Variants in NELL1 observed in about 807,000 individuals in gnomAD.
NELL1 encodes the protein neural EGFL like 1.
In NELL1, 76 loss-of-function variants were observed where a neutral mutation model predicts 107.4. The observed-to-expected ratio is 0.71, with a 90% CI of 0.59 to 0.86. The LOEUF (loss-of-function observed/expected upper bound fraction) is 0.86. NELL1 is among the 40% of genes least tolerant of loss of function. The probability of loss-of-function intolerance (pLI) is 0.00; values close to 1 mark genes in which losing one functional copy is unlikely to be tolerated. For missense variants in NELL1, 1,024 were observed against 1,005.5 expected, an observed-to-expected ratio of 1.02 and a Z score of -0.25; for synonymous variants, 353 against 341.2, an observed-to-expected ratio of 1.03 and a Z score of -0.38.
rs544284120 is a variant in NELL1, at chr11:21,033,591, G to T, written c.1300+73031G>T. The stretch of plus-strand genomic sequence containing the variant: ...ATCATTCTTTTTTTATGGCTGCATA[G>T]TATTCCATAGTGTATATGTACCATA... On this transcript the variant is annotated intron_variant, in intron 12 of 19. Transcript: ENST00000357134. Among the ~76,000 whole-genome samples, 20 of 152,232 alleles carry T rather than the reference G, an allele frequency of 1.3e-4. No individual in the cohort carries two copies. In the South Asian group the frequency reaches 4.1e-3, roughly 32 times the overall value.
chr11:20,971,697 C>A (rs1207121212), intron 12 of NELL1, among the ~76,000 whole-genome samples: 1 of 152,110 alleles, frequency 6.6e-6, no homozygotes, highest in Non-Finnish European at 1.5e-5. Flanking sequence ...CTGGCTTTAT[C>A]ATTGTTTTGT....
chr11:20,768,798 C>A (rs1032792531), intron 2 of NELL1, among the ~76,000 whole-genome samples: 2 of 152,176 alleles, frequency 1.3e-5, no homozygotes, highest in South Asian at 2.1e-4. Flanking sequence ...ACAGTCTCCC[C>A]TAGAGCTTCC....
chr11:21,546,653 A>G (rs7930966), intron 16 of NELL1, among the ~76,000 whole-genome samples: 84,855 of 151,834 alleles, frequency 0.56, 24,024 homozygotes, highest in Non-Finnish European at 0.6. Flanking sequence ...CTTTGCCTTC[A>G]TCATGATGGT....
intron 15 of NELL1, among the ~76,000 whole-genome samples, chr11:21,426,450 G>C (rs1478913925): frequency 1.3e-5 from 2 of 152,182 alleles, no homozygotes; most frequent in Non-Finnish European, 2.9e-5. Flanking sequence ...AGGTTAATTT[G>C]AGAAAGAAGA....
intron 2 of NELL1, among the ~76,000 whole-genome samples, chr11:20,758,685 G>C (rs1590267438): frequency 6.6e-6 from 1 of 152,256 alleles, no homozygotes; most frequent in Middle Eastern, 3.4e-3. Flanking sequence ...TTTGAGGCTA[G>C]ATAATTCTTT....
At chr11:21,040,049 C>T (rs566390515) in intron 12 of NELL1, among the ~76,000 whole-genome samples, 1 of 151,814 alleles carries the variant, frequency 6.6e-6, no homozygotes, top group South Asian at 2.1e-4. Flanking sequence ...AATATATTTC[C>T]TCCTAATCTC....
intron 14 of NELL1, among the ~76,000 whole-genome samples, chr11:21,367,676 T>C (rs765271637): frequency 6.6e-6 from 1 of 152,116 alleles, no homozygotes; most frequent in Non-Finnish European, 1.5e-5. Flanking sequence ...TGGGTATACA[T>C]TGGTAACTTA....
intron 9 of NELL1, among the ~76,000 whole-genome samples, chr11:20,929,937 A>G (rs1011396663): frequency 6.7e-6 from 1 of 150,106 alleles, no homozygotes; most frequent in African/African-American, 2.5e-5. Context: ...GCGCCACTGC[A>G]CTCCAGCCTG....
intron 5 of NELL1, among the ~76,000 whole-genome samples, chr11:20,892,786 G>A (rs1332107920): frequency 2.0e-5 from 3 of 152,084 alleles, no homozygotes; most frequent in African/African-American, 4.8e-5. Context: ...AAACTTAGCC[G>A]GGTGTGGCGG....
chr11:21,210,394 G>A (rs933388213), intron 13 of NELL1, among the ~76,000 whole-genome samples: 4 of 152,124 alleles, frequency 2.6e-5, no homozygotes, highest in Non-Finnish European at 5.9e-5. Flanking sequence ...CCAACTTATT[G>A]TTATCTATCC....
rs374400613 is a variant in NELL1, at chr11:21,435,579, TTGTTCTTCATTCTGTTGATGTGA to T, written c.1645+64651_1645+64673del. On this transcript the variant is annotated intron_variant, in intron 15 of 19. Coordinates refer to ENST00000357134, the MANE Select transcript of NELL1 (RefSeq NM_006157.5). ...ATGAATTGAGATGATTATATGATTT[TTGTTCTTCATTCTGTTGATGTGA>T]TGTTCTTCATTCTGTTGATCACATT... 5.3e-3 allele frequency among the ~76,000 whole-genome samples: 814 copies of T among 152,272 alleles called. 5 individuals are homozygous for T. Among genetic ancestry groups the T allele is most frequent in the African/African-American group, 0.017 (695 of 41,560 alleles).
chr11:21,302,312 GT>G (rs2133625690), intron 14 of NELL1, among the ~76,000 whole-genome samples: 1 of 152,058 alleles, frequency 6.6e-6, no homozygotes, highest in African/African-American at 2.4e-5. Flanking sequence ...GGTGTCTCTT[GT>G]TTTCCTCCAT....
intron 12 of NELL1, among the ~76,000 whole-genome samples, chr11:21,003,106 T>C (rs1005075939): frequency 1.3e-5 from 2 of 152,180 alleles, no homozygotes; most frequent in Non-Finnish European, 2.9e-5. Flanking sequence ...TGAATAAACA[T>C]TTGCTGAGCA....
rs374730507 is a variant in NELL1, at chr11:21,199,993, G to A, written c.1427-29339G>A. Among the ~76,000 whole-genome samples the A allele has an allele frequency of 5.9e-5, 9 of 152,228 alleles. No individual in the cohort carries two copies. In the East Asian group the frequency reaches 1.2e-3, roughly 20 times the overall value. On this transcript the variant is annotated intron_variant, in intron 13 of 19. Transcript: ENST00000357134. The stretch of plus-strand genomic sequence containing the variant: ...ACGTGAACCCATCCGTTTTATGGCC[G>A]CATAGTATTCCATGGTGTATATGTG...
At chr11:21,214,729 T>G (rs1410044374) in intron 13 of NELL1, among the ~76,000 whole-genome samples, 1 of 146,628 alleles carries the variant, frequency 6.8e-6, no homozygotes, top group Non-Finnish European at 1.5e-5. Context: ...CACAAAATAC[T>G]TGTACATTCT....
intron 12 of NELL1, among the ~76,000 whole-genome samples, chr11:20,985,537 G>T (rs2134249569): frequency 6.6e-6 from 1 of 152,274 alleles, no homozygotes; most frequent in Non-Finnish European, 1.5e-5. Context: ...AGGGCAATGT[G>T]CAGAGTTGGG....
At chr11:21,479,894 T>C (rs1017840293) in intron 15 of NELL1, among the ~76,000 whole-genome samples, 3 of 86,632 alleles carry the variant, frequency 3.5e-5, no homozygotes, top group African/African-American at 1.4e-4. Flanking sequence ...CCATCACCAG[T>C]GTCCACAGTC....
intron 12 of NELL1, among the ~76,000 whole-genome samples, chr11:20,969,478 T>C (rs1851451104): frequency 6.6e-6 from 1 of 151,892 alleles, no homozygotes. Flanking sequence ...CCAAGCAACA[T>C]AGCAAAAGAA....
At chr11:20,960,296 T>A (rs1225242222) in intron 11 of NELL1, 136 bp from the exon 12 acceptor site, 3 of 875,914 alleles carry the variant, frequency 3.4e-6, no homozygotes, top group Non-Finnish European at 5.1e-6. Flanking sequence ...CACTTTCCTA[T>A]CCAGTTTATC....
Sources: allele counts gnomAD v4.1 joint callset (sites outside exome capture counted in the v4.1 genomes callset), GRCh38; gene constraint gnomAD v4.1.1; transcripts MANE v1.5; gene names NCBI Gene and HGNC (gene_info 2026-07-23, HGNC 2026-07-21).